The following CTNNA3 variants were observed in gnomAD, a reference collection of about 807,000 sequenced individuals.
CTNNA3 encodes the protein catenin alpha 3, also known as catenin alpha-3.
In CTNNA3, 76 loss-of-function variants were observed where a neutral mutation model predicts 95.7. The observed-to-expected ratio is 0.79, with a 90% CI of 0.66 to 0.96. The LOEUF (loss-of-function observed/expected upper bound fraction) is 0.96. CTNNA3 is among the 40% of genes least tolerant of loss of function. CTNNA3 has a pLI of 0.00. For synonymous variants in CTNNA3, 431 were observed against 374.4 expected, an observed-to-expected ratio of 1.15 and a Z score of -1.74; for missense variants, 1,191 against 1,089.8, an observed-to-expected ratio of 1.09 and a Z score of -1.31.
intron 5 of CTNNA3, among the ~76,000 whole-genome samples, chr10:67,338,426 A>T (rs1277965662): frequency 6.6e-6 from 1 of 151,746 alleles, no homozygotes; most frequent in East Asian, 1.9e-4. Flanking sequence ...TGATCCAAAC[A>T]CCTCCCACCA....
chr10:66,964,239 A>C (rs1849279137), intron 7 of CTNNA3, among the ~76,000 whole-genome samples: 1 of 151,520 alleles, frequency 6.6e-6, no homozygotes, highest in Non-Finnish European at 1.5e-5. Context: ...CTTTCCTTAG[A>C]CATTTAAAGT....
chr10:66,692,003 A>C (rs1301629730), intron 9 of CTNNA3, among the ~76,000 whole-genome samples: 1 of 152,206 alleles, frequency 6.6e-6, no homozygotes, highest in Non-Finnish European at 1.5e-5. Context: ...AAAACCACAA[A>C]GACAGGGAAA....
At chr10:67,312,261 C>T (rs932051263) in intron 5 of CTNNA3, among the ~76,000 whole-genome samples, 3 of 151,958 alleles carry the variant, frequency 2.0e-5, no homozygotes, top group Non-Finnish European at 2.9e-5. Flanking sequence ...TTGGTAGAGA[C>T]GGGGTATCAC....
intron 1 of CTNNA3, among the ~76,000 whole-genome samples, chr10:67,757,537 T>C (rs1449635433): frequency 6.6e-6 from 1 of 152,184 alleles, no homozygotes; most frequent in African/African-American, 2.4e-5. Flanking sequence ...CAGGCAGAAG[T>C]TGGAAAGAAC....
At chr10:66,567,094 GGTTTA>G (rs1842736262) in intron 10 of CTNNA3, among the ~76,000 whole-genome samples, 3 of 3,990 alleles carry the variant, frequency 7.5e-4, no homozygotes, top group East Asian at 5.5e-3. Context: ...AGTGGGGAGG[GGTTTA>G]GGTGGCTTTT....
At chr10:67,149,203 C>T (rs1307259751) in intron 7 of CTNNA3, among the ~76,000 whole-genome samples, 1 of 152,232 alleles carries the variant, frequency 6.6e-6, no homozygotes, top group South Asian at 2.1e-4. Context: ...CACTCATCTA[C>T]TACTACTACT....
chr10:66,081,578 A>T (rs1045584827), intron 14 of CTNNA3, among the ~76,000 whole-genome samples: 6 of 152,324 alleles, frequency 3.9e-5, no homozygotes, highest in African/African-American at 1.4e-4. Context: ...GTTAAACTCC[A>T]TAGACTACAA....
At chr10:66,579,590 G>T (rs1196542805) in intron 10 of CTNNA3, among the ~76,000 whole-genome samples, 1 of 151,474 alleles carries the variant, frequency 6.6e-6, no homozygotes, top group Non-Finnish European at 1.5e-5. Context: ...TAATATTTCA[G>T]GCCACAGAGA....
At chr10:67,138,239 AACACAGT>A (rs1301162927) in intron 7 of CTNNA3, among the ~76,000 whole-genome samples, 2 of 152,188 alleles carry the variant, frequency 1.3e-5, no homozygotes, top group Non-Finnish European at 2.9e-5. Flanking sequence ...AGAATTAGGA[AACACAGT>A]ACACATGTCC....
chr10:67,420,122 G>A (rs1845697162), intron 5 of CTNNA3, among the ~76,000 whole-genome samples: 3 of 151,850 alleles, frequency 2.0e-5, no homozygotes, highest in Admixed American at 2.0e-4. Flanking sequence ...GTGCTAAACA[G>A]GACATTTTAA....
At chr10:66,059,207 C>T (rs951728979) in intron 15 of CTNNA3, among the ~76,000 whole-genome samples, 26 of 152,108 alleles carry the variant, frequency 1.7e-4, no homozygotes, top group African/African-American at 6.3e-4. Flanking sequence ...AAATTGGCAT[C>T]TCATTTGGCT....
rs1477169241 is a variant in CTNNA3 at position 67,237,122 on chromosome 10, GTATGTATATATATATATA to G, written c.580-17270_580-17253del. Among the ~76,000 whole-genome samples, 743 of 79,636 alleles carry G rather than the reference GTATGTATATATATATATA, an allele frequency of 9.3e-3. 40 individuals are homozygous for G. Among genetic ancestry groups the G allele is most frequent in the Middle Eastern group, 0.061 (6 of 98 alleles). The allele number at this position is 79,636 out of a possible 152,430, so 52.2% of individuals were successfully genotyped here. A position where few individuals can be genotyped will look rare whatever the true frequency, so the allele number is the denominator to read the frequency against. On this transcript the variant is annotated intron_variant, in intron 5 of 17. Coordinates refer to ENST00000433211, the MANE Select transcript of CTNNA3 (RefSeq NM_013266.4). ...AATGAGTGGATAAAGAAACTATGGTGTATGTATATATATATATATATATATATATATATATATATATAT... is the reference window on the plus strand; with the variant it reads ...AATGAGTGGATAAAGAAACTATGGTGTATATATATATATATATATATATAT...
At chr10:67,383,098 G>C (rs1844009650) in intron 5 of CTNNA3, among the ~76,000 whole-genome samples, 3 of 151,944 alleles carry the variant, frequency 2.0e-5, no homozygotes, top group Admixed American at 2.0e-4. Flanking sequence ...GTAAGTCTTG[G>C]AACTGTATTC....
At chr10:67,246,926 A>G (rs1051391943) in intron 5 of CTNNA3, among the ~76,000 whole-genome samples, 3 of 152,182 alleles carry the variant, frequency 2.0e-5, no homozygotes, top group African/African-American at 7.2e-5. Context: ...TGCTATCTCA[A>G]TGTGAGTGGT....
intron 9 of CTNNA3, among the ~76,000 whole-genome samples, chr10:66,710,566 T>A (rs1258868877): frequency 6.6e-6 from 1 of 151,868 alleles, no homozygotes; most frequent in Non-Finnish European, 1.5e-5. Context: ...AATTAGCCTA[T>A]CTTTGTGATA....
intron 1 of CTNNA3, among the ~76,000 whole-genome samples, chr10:67,671,074 T>C (rs183701290): frequency 6.6e-6 from 1 of 152,340 alleles, no homozygotes; most frequent in East Asian, 1.9e-4. Context: ...CCAACCTTAT[T>C]CTCCCTTATC....
chr10:67,222,619 C>G (rs140416964), intron 5 of CTNNA3, among the ~76,000 whole-genome samples: 1 of 152,312 alleles, frequency 6.6e-6, no homozygotes, highest in African/African-American at 2.4e-5. Flanking sequence ...ACAAGCTCTA[C>G]CTACAGTCAT....
chr10:66,052,330 T>C (rs1203160555), intron 15 of CTNNA3, among the ~76,000 whole-genome samples: 1 of 152,106 alleles, frequency 6.6e-6, no homozygotes, highest in Non-Finnish European at 1.5e-5. Context: ...TTATCCATAA[T>C]TAGGAAATGT....
intron 5 of CTNNA3, among the ~76,000 whole-genome samples, chr10:67,497,540 T>C (rs914115536): frequency 5.3e-5 from 8 of 152,136 alleles, no homozygotes; most frequent in Non-Finnish European, 1.0e-4. Flanking sequence ...CTAGTTTACA[T>C]ACCCATCAAC....
Sources: gnomAD v4.1 joint callset for allele counts (sites outside exome capture counted in the v4.1 genomes callset) on GRCh38, gnomAD v4.1.1 for gene constraint, MANE v1.5 for transcripts, NCBI Gene and HGNC (gene_info 2026-07-23, HGNC 2026-07-21) for gene names.